MROH9: variants seen among roughly 807,000 people sequenced by gnomAD.
MROH9 encodes maestro heat-like repeat-containing protein family member 9.
Under a neutral mutation model 98.2 loss-of-function variants are expected in MROH9, and 92 were observed. The observed-to-expected ratio is 0.94, with a 90% confidence interval of 0.79 to 1.11. The LOEUF is 1.11. Ranked by LOEUF, MROH9 falls within the 50% of genes most tolerant of loss-of-function variation. The pLI is 0.00. For missense variants in MROH9, 1,057 were observed against 1,014.8 expected (o/e 1.04, Z -0.57); for synonymous variants, 397 against 368.9 (o/e 1.08, Z -0.87).
intron 1 of MROH9, among the ~76,000 whole-genome samples, chr1:170,936,084 G>A (rs1379495281): frequency 1.3e-5 from 2 of 150,302 alleles, no homozygotes; most frequent in Admixed American, 6.6e-5. Context: ...GGAAGAATTT[G>A]TCTTTATTCA....
chr1:170,987,974 G>A (rs919211484), intron 10 of MROH9, among the ~76,000 whole-genome samples: 3 of 152,040 alleles, frequency 2.0e-5, no homozygotes, highest in African/African-American at 2.4e-5. Context: ...TCACATCATC[G>A]GTCCCCTGGC....
At chr1:171,016,483 A>T (rs1652331652) in intron 17 of MROH9, 147 bp downstream of exon 17, 1 of 563,934 alleles carries the variant, frequency 1.8e-6, no homozygotes, top group South Asian at 5.1e-5. Context: ...TTAGGTAAGT[A>T]CTGGTCTTTT....
At chr1:171,058,346 CAAAA>C (rs34725160) in intron 20 of MROH9, among the ~76,000 whole-genome samples, 3 of 67,134 alleles carry the variant, frequency 4.5e-5, no homozygotes, top group Non-Finnish European at 3.6e-5. Context: ...AGAGAGGATG[CAAAA>C]AAAAAAAAAA....
chr1:170,978,941 A>C (rs1036944946), intron 8 of MROH9, among the ~76,000 whole-genome samples: 1 of 152,160 alleles, frequency 6.6e-6, no homozygotes, highest in African/African-American at 2.4e-5. Context: ...TGTCCCAGGG[A>C]GTTGCAGAGA....
At chr1:170,975,556 C>T (rs1650651339) in intron 8 of MROH9, among the ~76,000 whole-genome samples, 1 of 152,136 alleles carries the variant, frequency 6.6e-6, no homozygotes, top group Admixed American at 6.6e-5. Context: ...CCCCTTTCAC[C>T]TTCCCACTTT....
rs1222197545 is a variant in MROH9, at chr1:170,986,636, G to C, written c.805G>C (p.Asp269His). ...QSLLMKLSSPDDKIASDAASI... is the reference protein window; with the variant it reads ...QSLLMKLSSPHDKIASDAASI... The stretch of plus-strand genomic sequence containing the variant: ...TCTCCTGATGAAACTCTCTTCACCT[G>C]ATGATAAAATCGCATCTGATGCAGC... Residue 269 changes from aspartate to histidine, a missense_variant, in exon 10 of 22, where the codon GAT becomes CAT. Physicochemically the swap from Asp to His is moderately conservative, Grantham distance 81 (BLOSUM62 -1). Transcript: ENST00000367759. The C allele has an allele frequency of 6.2e-7, 1 of 1,613,864 alleles. No individual in the cohort carries two copies. The highest frequency in any genetic ancestry group is 1.1e-5 in the South Asian group (1 of 91,066).
chr1:171,026,378 G>A (rs1158196834), intron 20 of MROH9, among the ~76,000 whole-genome samples: 2 of 151,742 alleles, frequency 1.3e-5, no homozygotes, highest in East Asian at 1.9e-4. Context: ...AGGTTCAAGC[G>A]ACTCTCCTGC....
At chr1:170,939,594 C>G (rs1009674878) in intron 1 of MROH9, among the ~76,000 whole-genome samples, 1 of 152,136 alleles carries the variant, frequency 6.6e-6, no homozygotes, top group Non-Finnish European at 1.5e-5. Context: ...TGGCTTTTGG[C>G]CATTTCTTTA....
intron 3 of MROH9, among the ~76,000 whole-genome samples, chr1:170,950,070 G>A (rs965716310): frequency 6.6e-6 from 1 of 151,968 alleles, no homozygotes; most frequent in African/African-American, 2.4e-5. Flanking sequence ...TTGAAAATGG[G>A]GAAACAGAGG....
At chr1:171,005,271 A>G (rs982184016) in intron 15 of MROH9, among the ~76,000 whole-genome samples, 35 of 152,196 alleles carry the variant, frequency 2.3e-4, no homozygotes, top group African/African-American at 6.7e-4. Flanking sequence ...GGGTTTCACA[A>G]TGTTACCCAG....
chr1:170,954,304 T>C (rs895671940), intron 3 of MROH9, among the ~76,000 whole-genome samples: 3 of 152,124 alleles, frequency 2.0e-5, no homozygotes, highest in Non-Finnish European at 2.9e-5. Flanking sequence ...TAGCTACATA[T>C]TGAATTGTAA....
rs1651678939 is a variant in MROH9 at position 170,998,665 on chromosome 1, G to A, written c.1596+391G>A. 2.0e-5 allele frequency: 22 copies of A among 1,117,424 alleles called. No individual in the cohort carries two copies. The East Asian group carries it at 1.2e-3, about 63-fold the overall frequency. 69.2% of individuals were successfully genotyped at this position (1,117,424 alleles called of 1,614,324 possible). The stretch of plus-strand genomic sequence containing the variant: ...GACCATCTAGAGGGAGAAAGGAACT[G>A]GCTGAGTAACTGGGTAAAATGAAGA... On this transcript the variant is annotated intron_variant, in intron 15 of 21. Coordinates refer to ENST00000367759, the MANE Select transcript of MROH9 (RefSeq NM_001163629.2).
chr1:171,032,062 G>A (rs1329072562), intron 20 of MROH9, among the ~76,000 whole-genome samples: 1 of 151,954 alleles, frequency 6.6e-6, no homozygotes, highest in East Asian at 1.9e-4. Context: ...CTTCTACTTG[G>A]TCAGTTCGGC....
rs371741888 is a variant in MROH9, at chr1:170,992,276, G to A, written c.1141G>A (p.Val381Ile). 18 of 1,613,436 alleles carry A rather than the reference G, an allele frequency of 1.1e-5. No individual in the cohort carries two copies. The highest frequency in any genetic ancestry group is 6.7e-5 in the East Asian group (3 of 44,864). ...AAAGCCTGGGGAAATGGAGGACACC[G>A]TAACGGAAGGGAAACGTTTCTCTCT... ...KGKPGEMEDT[V>I]TEGKRFSLDI... Residue 381 changes from valine to isoleucine, a missense_variant, in exon 12 of 22, where the codon GTA (valine) becomes ATA (isoleucine). Physicochemically the swap from Val to Ile is conservative, Grantham distance 29 (BLOSUM62 3). Coordinates refer to ENST00000367759, the MANE Select transcript of MROH9 (RefSeq NM_001163629.2).
chr1:170,991,126 C>T (rs1232544016), intron 11 of MROH9, among the ~76,000 whole-genome samples: 1 of 152,098 alleles, frequency 6.6e-6, no homozygotes, highest in Non-Finnish European at 1.5e-5. Flanking sequence ...AAATCTGGTA[C>T]AAGCAATATG....
chr1:170,983,214 A>G (rs1381611256), intron 8 of MROH9, among the ~76,000 whole-genome samples: 1 of 152,204 alleles, frequency 6.6e-6, no homozygotes, highest in Non-Finnish European at 1.5e-5. Context: ...TTGTCCATTC[A>G]TATGTCACAT....
chr1:170,994,094 T>C (rs1289460067), intron 12 of MROH9, among the ~76,000 whole-genome samples: 1 of 152,212 alleles, frequency 6.6e-6, no homozygotes, highest in Non-Finnish European at 1.5e-5. Context: ...TACATAAAAA[T>C]GCTGAAACTT....
chr1:170,961,121 T>G (rs1273331143), intron 5 of MROH9, among the ~76,000 whole-genome samples: 1 of 152,190 alleles, frequency 6.6e-6, no homozygotes, highest in Non-Finnish European at 1.5e-5. Flanking sequence ...TCACAACTAT[T>G]CAGGTGGATA....
chr1:171,048,570 T>C (rs1024560175), intron 20 of MROH9, among the ~76,000 whole-genome samples: 1 of 152,054 alleles, frequency 6.6e-6, no homozygotes, highest in Non-Finnish European at 1.5e-5. Context: ...CCAAGGCAGG[T>C]CTAAAAATAT....
Sources: gnomAD v4.1 joint callset for allele counts (sites outside exome capture counted in the v4.1 genomes callset) on GRCh38, gnomAD v4.1.1 for gene constraint, MANE v1.5 for transcripts, NCBI Gene and HGNC (gene_info 2026-07-23, HGNC 2026-07-21) for gene names.